The following SLC2A13 variants were observed in gnomAD, a reference collection of about 807,000 sequenced individuals.
SLC2A13 encodes the protein solute carrier family 2 member 13.
SLC2A13 carries 32 observed loss-of-function variants against 64.4 expected under a neutral mutation model. That is an observed-to-expected ratio of 0.50 (90% confidence interval 0.37 to 0.67). The LOEUF (loss-of-function observed/expected upper bound fraction) is 0.67. Ranked by LOEUF, SLC2A13 falls within the 30% of genes least tolerant of loss-of-function variation. The pLI is 0.00. For missense variants in SLC2A13, 743 were observed against 829.2 expected (o/e 0.90, Z 1.28); for synonymous variants, 338 against 327.1 (o/e 1.03, Z -0.36).
chr12:39,917,335 G>A (rs1002522461), intron 4 of SLC2A13, among the ~76,000 whole-genome samples: 1 of 152,068 alleles, frequency 6.6e-6, no homozygotes, highest in Non-Finnish European at 1.5e-5. Flanking sequence ...AGGAAAGAGG[G>A]TATTTAGAAC....
chr12:40,103,057 C>G (rs554059229), intron 1 of SLC2A13, among the ~76,000 whole-genome samples: 1 of 152,124 alleles, frequency 6.6e-6, no homozygotes, highest in Admixed American at 6.5e-5. Flanking sequence ...ATGGGCCACA[C>G]CAGAACTGAA....
rs532177155 is a variant in SLC2A13 at position 40,037,352 on chromosome 12, C to T, written c.717-8843G>A. Among the ~76,000 whole-genome samples the T allele has an allele frequency of 2.6e-5, 4 of 152,150 alleles. No individual in the cohort carries two copies. In the South Asian group the frequency reaches 8.3e-4, roughly 32 times the overall value. On this transcript the variant is annotated intron_variant, in intron 2 of 9. Coordinates refer to ENST00000280871, the MANE Select transcript of SLC2A13 (RefSeq NM_052885.4). ...ATTCACCAGGGGCTGGGTGCAGTGGCCCACACCTCTAATCTCAGCAATTTG... is the reference window on the plus strand; with the variant it reads ...ATTCACCAGGGGCTGGGTGCAGTGGTCCACACCTCTAATCTCAGCAATTTG...
At chr12:39,918,591 G>A (rs1945559595) in intron 4 of SLC2A13, among the ~76,000 whole-genome samples, 1 of 151,858 alleles carries the variant, frequency 6.6e-6, no homozygotes, top group East Asian at 1.9e-4. Context: ...ACTTCCTGTG[G>A]GTAAATAATC....
At chr12:39,819,958 T>A (rs1236426875) in intron 7 of SLC2A13, 2 of 152,296 alleles carry the variant, frequency 1.3e-5, no homozygotes, top group Non-Finnish European at 2.9e-5. Context: ...AAACTCTTTA[T>A]CTTTGCAGGT....
intron 3 of SLC2A13, among the ~76,000 whole-genome samples, chr12:40,026,511 A>T (rs951848070): frequency 5.9e-5 from 9 of 152,220 alleles, no homozygotes; most frequent in Admixed American, 2.0e-4. Context: ...CTAAAACTCA[A>T]ATAGGATACA....
intron 6 of SLC2A13, among the ~76,000 whole-genome samples, chr12:39,860,494 C>T (rs1943730983): frequency 6.6e-6 from 1 of 152,156 alleles, no homozygotes; most frequent in South Asian, 2.1e-4. Flanking sequence ...CATTCTAGAA[C>T]TCTCCTCCAA....
intron 7 of SLC2A13, among the ~76,000 whole-genome samples, chr12:39,803,422 T>A (rs11173650): frequency 0.023 from 3,472 of 152,162 alleles, 58 homozygotes; most frequent in Non-Finnish European, 0.037. Context: ...ACCATAAAAC[T>A]ATCACTTAGG....
chr12:39,868,670 G>T (rs2135934797), intron 5 of SLC2A13, among the ~76,000 whole-genome samples: 1 of 152,208 alleles, frequency 6.6e-6, no homozygotes, highest in South Asian at 2.1e-4. Flanking sequence ...CAATCTTTCT[G>T]GCTTTCTGAT....
intron 4 of SLC2A13, among the ~76,000 whole-genome samples, chr12:39,927,411 C>A (rs1945748370): frequency 6.6e-6 from 1 of 152,058 alleles, no homozygotes; most frequent in Non-Finnish European, 1.5e-5. Flanking sequence ...TTAGTCAAAG[C>A]ATACTCTTGA....
chr12:40,032,791 C>G (rs1237282333), intron 2 of SLC2A13, among the ~76,000 whole-genome samples: 1 of 152,164 alleles, frequency 6.6e-6, no homozygotes, highest in African/African-American at 2.4e-5. Flanking sequence ...GACAATAATC[C>G]TCTCATATCT....
chr12:39,849,750 C>T (rs1943416155), intron 6 of SLC2A13, among the ~76,000 whole-genome samples: 1 of 150,882 alleles, frequency 6.6e-6, no homozygotes, highest in Admixed American at 6.6e-5. Flanking sequence ...TTAGCCTTTT[C>T]TAGTATTTGT....
chr12:39,861,298 T>G (rs1430686209), intron 6 of SLC2A13, among the ~76,000 whole-genome samples: 3 of 152,226 alleles, frequency 2.0e-5, no homozygotes, highest in Non-Finnish European at 4.4e-5. Context: ...GTTTAAGGCA[T>G]TTTCCATATG....
intron 4 of SLC2A13, among the ~76,000 whole-genome samples, chr12:39,882,971 G>A (rs1944380681): frequency 6.6e-6 from 1 of 152,104 alleles, no homozygotes; most frequent in Non-Finnish European, 1.5e-5. Context: ...ACCAAAGCAG[G>A]TTTATGAATA....
intron 7 of SLC2A13, among the ~76,000 whole-genome samples, chr12:39,812,331 A>ATTTT (rs1288986337): frequency 8.2e-6 from 1 of 121,984 alleles, no homozygotes; most frequent in Non-Finnish European, 1.7e-5. Context: ...ATTGGGACTA[A>ATTTT]TTTCTTTTTT....
At chr12:40,100,348 G>C (rs890260837) in intron 1 of SLC2A13, among the ~76,000 whole-genome samples, 1 of 152,134 alleles carries the variant, frequency 6.6e-6, no homozygotes, top group African/African-American at 2.4e-5. Context: ...TCCCTACACA[G>C]GCCCTAAATC....
chr12:40,053,068 G>A (rs1948284741), intron 1 of SLC2A13, among the ~76,000 whole-genome samples: 1 of 151,982 alleles, frequency 6.6e-6, no homozygotes, highest in African/African-American at 2.4e-5. Context: ...GGATCATGAG[G>A]TCAGGAGATT....
At chr12:39,912,724 C>T (rs1945450829) in intron 4 of SLC2A13, among the ~76,000 whole-genome samples, 1 of 151,964 alleles carries the variant, frequency 6.6e-6, no homozygotes, top group Non-Finnish European at 1.5e-5. Flanking sequence ...GCTCTGGAGC[C>T]CTGCCATAGT....
intron 4 of SLC2A13, among the ~76,000 whole-genome samples, chr12:39,878,203 C>G (rs1048595294): frequency 1.4e-4 from 22 of 152,126 alleles, no homozygotes; most frequent in Non-Finnish European, 3.2e-4. Flanking sequence ...AATGCAAGAA[C>G]AGCCTAATAC....
At chr12:39,814,685 G>A (rs1037504949) in intron 7 of SLC2A13, among the ~76,000 whole-genome samples, 2 of 152,104 alleles carry the variant, frequency 1.3e-5, no homozygotes, top group Admixed American at 6.6e-5. Context: ...ATACAATTAC[G>A]TCTGCTATCC....
Sources: allele counts gnomAD v4.1 joint callset (sites outside exome capture counted in the v4.1 genomes callset), GRCh38; gene constraint gnomAD v4.1.1; transcripts MANE v1.5; gene names NCBI Gene and HGNC (gene_info 2026-07-23, HGNC 2026-07-21).